The following NDE1 variants were observed in gnomAD, a reference collection of about 807,000 sequenced individuals.
NDE1 encodes nuclear distribution protein nudE homolog 1.
Under a neutral mutation model 43.4 loss-of-function variants are expected in NDE1, and 28 were observed. The ratio of observed to expected loss-of-function variants is 0.65; its 90% CI spans 0.48 to 0.89. The LOEUF is 0.89. Ranked by LOEUF, NDE1 falls within the 40% of genes least tolerant of loss-of-function variation. The pLI is 0.00. For synonymous variants in NDE1, 184 were observed against 172.0 expected (o/e 1.07, Z -0.55); for missense variants, 441 against 434.1 (o/e 1.02, Z -0.14).
intron 3 of NDE1, among the ~76,000 whole-genome samples, chr16:15,677,540 C>G (rs989597184): frequency 5.3e-5 from 8 of 151,692 alleles, no homozygotes; most frequent in African/African-American, 1.7e-4. Flanking sequence ...GAGCCAGGAT[C>G]TTGCCGCTGC....
intron 8 of NDE1, chr16:15,717,237 C>G (rs1314387438): frequency 6.2e-7 from 1 of 1,614,078 alleles, no homozygotes; most frequent in East Asian, 2.2e-5. Context: ...CCCTCCATCT[C>G]GTGGAGCTTG....
chr16:15,674,209 TCCCTTC>T (rs990163770), intron 3 of NDE1, among the ~76,000 whole-genome samples: 1 of 152,048 alleles, frequency 6.6e-6, no homozygotes, highest in Middle Eastern at 3.2e-3. Context: ...TCTCTCCCTT[TCCCTTC>T]CTCCATCTTC....
chr16:15,654,378 T>A (rs2036649963), intron 1 of NDE1, among the ~76,000 whole-genome samples: 1 of 151,796 alleles, frequency 6.6e-6, no homozygotes, highest in African/African-American at 2.4e-5. Context: ...GGTGGGCAGA[T>A]CACCTGAGGT....
intron 1 of NDE1, among the ~76,000 whole-genome samples, chr16:15,659,531 G>A (rs940041471): frequency 2.8e-5 from 4 of 143,456 alleles, no homozygotes; most frequent in African/African-American, 1.0e-4. Context: ...CTGCCTTCTG[G>A]GTTCAAGTGA....
At chr16:15,706,483 A>T (rs1232253570) in intron 8 of NDE1, among the ~76,000 whole-genome samples, 1 of 152,148 alleles carries the variant, frequency 6.6e-6, no homozygotes, top group Non-Finnish European at 1.5e-5. Context: ...AGGTGGGCAG[A>T]TCACTCGTGA....
intron 8 of NDE1, chr16:15,715,252 T>C: frequency 6.2e-7 from 1 of 1,614,086 alleles, no homozygotes; most frequent in Non-Finnish European, 8.5e-7. Flanking sequence ...CTTCAGCGAC[T>C]TGGTGGCCGC....
intron 7 of NDE1, chr16:15,694,904 G>A (rs952238256): frequency 2.1e-5 from 21 of 985,192 alleles, no homozygotes; most frequent in Non-Finnish European, 2.4e-5. Flanking sequence ...TTGGCCGGGT[G>A]CTCATACCTG....
intron 8 of NDE1, chr16:15,718,303 G>A (rs1278404427): frequency 6.2e-7 from 1 of 1,608,186 alleles, no homozygotes; most frequent in Non-Finnish European, 8.5e-7. Context: ...GTGGTGTCCA[G>A]GCGGCCCTCA....
At chr16:15,719,149 T>C in intron 8 of NDE1, 1 of 1,456,470 alleles carries the variant, frequency 6.9e-7, no homozygotes, top group Non-Finnish European at 9.6e-7. Context: ...AAAAATAAAA[T>C]GGGGGTCGAG....
At chr16:15,707,733 A>T (rs2039533024) in intron 8 of NDE1, among the ~76,000 whole-genome samples, 1 of 152,160 alleles carries the variant, frequency 6.6e-6, no homozygotes, top group Admixed American at 6.6e-5. Context: ...GCATTTGGGG[A>T]GGCCAAGGCG....
At chr16:15,706,820 C>A (rs183967680) in intron 8 of NDE1, among the ~76,000 whole-genome samples, 38 of 152,328 alleles carry the variant, frequency 2.5e-4, no homozygotes, top group African/African-American at 8.7e-4. Context: ...ACTGGAAAAG[C>A]TTAATGGATA....
intron 8 of NDE1, among the ~76,000 whole-genome samples, chr16:15,697,877 G>C (rs1312351978): frequency 2.0e-5 from 3 of 150,886 alleles, no homozygotes; most frequent in African/African-American, 2.4e-5. Flanking sequence ...CATGATCTCA[G>C]CTCACTGCAA....
intron 8 of NDE1, chr16:15,714,200 TGGGAGCAGGG>T (rs948383824): frequency 5.2e-5 from 8 of 153,228 alleles, no homozygotes; most frequent in African/African-American, 1.9e-4. Context: ...AAGCAGCCCT[TGGGAGCAGGG>T]GGGACCCCCA....
intron 8 of NDE1, chr16:15,717,799 AAAAG>A (rs1330812996): frequency 5.5e-5 from 14 of 255,896 alleles, no homozygotes; most frequent in South Asian, 5.1e-4. Context: ...GTCTCCAAAA[AAAAG>A]AGGTGCTTCC....
intron 8 of NDE1, among the ~76,000 whole-genome samples, chr16:15,702,305 A>G (rs2039245934): frequency 6.6e-6 from 1 of 152,202 alleles, no homozygotes; most frequent in Non-Finnish European, 1.5e-5. Context: ...ATGATTTATT[A>G]TGTTTTTAAG....
intron 7 of NDE1, chr16:15,694,946 AG>A: frequency 1.0e-6 from 1 of 968,470 alleles, no homozygotes; most frequent in Non-Finnish European, 1.2e-6. Context: ...CCAAGGTGGG[AG>A]ATTACTTGAG....
chr16:15,697,536 C>G (rs545918021), intron 8 of NDE1, among the ~76,000 whole-genome samples: 1 of 151,954 alleles, frequency 6.6e-6, no homozygotes, highest in Admixed American at 6.6e-5. Flanking sequence ...TTGGTAAAAC[C>G]CCATCTCCAC....
At chr16:15,706,605 G>A (rs1487827560) in intron 8 of NDE1, among the ~76,000 whole-genome samples, 1 of 152,080 alleles carries the variant, frequency 6.6e-6, no homozygotes, top group Non-Finnish European at 1.5e-5. Context: ...CACTCAGGAG[G>A]CTGAGGCAGG....
At chr16:15,716,740 C>G (rs934642706) in intron 8 of NDE1, among the ~76,000 whole-genome samples, 2 of 152,168 alleles carry the variant, frequency 1.3e-5, no homozygotes, top group African/African-American at 2.4e-5. Flanking sequence ...TCTCAAACTC[C>G]TGACCTCAAG....
Sources: gnomAD v4.1 joint callset for allele counts (sites outside exome capture counted in the v4.1 genomes callset) on GRCh38, gnomAD v4.1.1 for gene constraint, MANE v1.5 for transcripts, NCBI Gene and HGNC (gene_info 2026-07-23, HGNC 2026-07-21) for gene names.